Variants in ADAMTS3 observed in about 807,000 individuals in gnomAD.
The protein encoded by ADAMTS3 is A disintegrin and metalloproteinase with thrombospondin motifs 3.
Under a neutral mutation model 129.0 loss-of-function variants are expected in ADAMTS3, and 73 were observed. The observed-to-expected ratio is 0.57, with a 90% CI of 0.47 to 0.69. The LOEUF (loss-of-function observed/expected upper bound fraction) is 0.69, where lower values mean the gene tolerates loss of function less well. Ranked by LOEUF, ADAMTS3 falls within the 30% of genes least tolerant of loss-of-function variation. The pLI is 0.00. For missense variants in ADAMTS3, 1,457 were observed against 1,514.5 expected (o/e 0.96, Z 0.63); for synonymous variants, 477 against 510.8 (o/e 0.93, Z 0.89).
intron 5 of ADAMTS3, among the ~76,000 whole-genome samples, chr4:72,336,771 T>C (rs1264400078): frequency 1.3e-5 from 2 of 152,126 alleles, no homozygotes; most frequent in African/African-American, 4.8e-5. Flanking sequence ...CTATGCTGTG[T>C]AGGGCTGTCT....
intron 3 of ADAMTS3, among the ~76,000 whole-genome samples, chr4:72,451,688 ATATCTC>A (rs1289985351): frequency 6.6e-6 from 1 of 151,856 alleles, no homozygotes. Context: ...AAAACCCAAT[ATATCTC>A]TGACAAGATT....
At chr4:72,508,183 T>G (rs1720213846) in intron 3 of ADAMTS3, among the ~76,000 whole-genome samples, 1 of 152,116 alleles carries the variant, frequency 6.6e-6, no homozygotes, top group African/African-American at 2.4e-5. Flanking sequence ...AAACACACAT[T>G]TCCACTGACC....
At chr4:72,447,028 A>G (rs1412058479) in intron 3 of ADAMTS3, among the ~76,000 whole-genome samples, 1 of 151,688 alleles carries the variant, frequency 6.6e-6, no homozygotes, top group Non-Finnish European at 1.5e-5. Context: ...TAAATACAAT[A>G]AAGATAATTC....
At chr4:72,343,198 G>A (rs892131049) in intron 4 of ADAMTS3, among the ~76,000 whole-genome samples, 1 of 152,082 alleles carries the variant, frequency 6.6e-6, no homozygotes, top group Non-Finnish European at 1.5e-5. Flanking sequence ...CTTTCCACCT[G>A]GCCAGTGCCA....
intron 1 of ADAMTS3, among the ~76,000 whole-genome samples, chr4:72,568,445 C>T (rs1489577759): frequency 1.3e-5 from 2 of 152,126 alleles, no homozygotes; most frequent in Non-Finnish European, 1.5e-5. Flanking sequence ...ATGTCGCAGA[C>T]TGGTGAAGCC....
intron 4 of ADAMTS3, among the ~76,000 whole-genome samples, chr4:72,362,400 T>G (rs1007383479): frequency 7.9e-5 from 12 of 152,286 alleles, no homozygotes; most frequent in Admixed American, 7.9e-4. Flanking sequence ...GTTTTCTCTG[T>G]TCAAACAAAG....
intron 12 of ADAMTS3, 56 bp from the exon 13 acceptor site, chr4:72,312,522 C>T (rs1719270144): frequency 6.4e-7 from 1 of 1,570,362 alleles, no homozygotes; most frequent in Non-Finnish European, 8.7e-7. Flanking sequence ...GCAGTTGAAG[C>T]TTGCAGACAC....
chr4:72,347,568 C>A (rs1301585235), intron 4 of ADAMTS3, among the ~76,000 whole-genome samples: 1 of 151,888 alleles, frequency 6.6e-6, no homozygotes, highest in Non-Finnish European at 1.5e-5. Flanking sequence ...TTCTTAATTT[C>A]TTTTATTCTT....
intron 4 of ADAMTS3, among the ~76,000 whole-genome samples, chr4:72,367,875 A>C (rs1337913790): frequency 4.0e-5 from 6 of 151,152 alleles, no homozygotes; most frequent in Non-Finnish European, 5.9e-5. Flanking sequence ...AAAGACAACT[A>C]GTTGGGAGTC....
At chr4:72,485,806 G>A (rs761935096) in intron 3 of ADAMTS3, among the ~76,000 whole-genome samples, 2 of 152,128 alleles carry the variant, frequency 1.3e-5, no homozygotes, top group Non-Finnish European at 2.9e-5. Context: ...GCCTTTGGGA[G>A]GTAATAAGGT....
At chr4:72,345,572 A>G (rs1720258655) in intron 4 of ADAMTS3, among the ~76,000 whole-genome samples, 1 of 152,140 alleles carries the variant, frequency 6.6e-6, no homozygotes. Context: ...GATAGTTCAA[A>G]GAACTATATT....
At chr4:72,461,187 T>C (rs1031155583) in intron 3 of ADAMTS3, among the ~76,000 whole-genome samples, 10 of 151,450 alleles carry the variant, frequency 6.6e-5, no homozygotes, top group Admixed American at 3.3e-4. Context: ...TAAAACAAAA[T>C]AGATACATCT....
intron 5 of ADAMTS3, among the ~76,000 whole-genome samples, chr4:72,336,287 C>A (rs1409447954): frequency 6.6e-6 from 1 of 152,182 alleles, no homozygotes; most frequent in Non-Finnish European, 1.5e-5. Context: ...AGGACCCTAT[C>A]TGACATTTCA....
chr4:72,563,833 G>T (rs1364787553), intron 2 of ADAMTS3, among the ~76,000 whole-genome samples: 1 of 152,060 alleles, frequency 6.6e-6, no homozygotes, highest in Non-Finnish European at 1.5e-5. Flanking sequence ...ACCAATATTT[G>T]AGGACCCACA....
In ADAMTS3 at chr4:72,353,363, T is replaced by C. The variant is rs912729291; in HGVS notation, c.662-13670A>G. Among the ~76,000 whole-genome samples, 3 of 151,994 alleles carry C rather than the reference T, an allele frequency of 2.0e-5. No homozygotes were observed. In the South Asian group the frequency reaches 6.2e-4, roughly 32 times the overall value. On this transcript the variant is annotated intron_variant, in intron 4 of 21. Coordinates refer to ENST00000286657, the MANE Select transcript of ADAMTS3 (RefSeq NM_014243.3). ...TGGTTAAACCAACTGGATGAACTCATATGAGATTTGGAACTCAGAATGGCA... is the reference window on the plus strand; with the variant it reads ...TGGTTAAACCAACTGGATGAACTCACATGAGATTTGGAACTCAGAATGGCA...
Position 72,462,132 on chromosome 4 carries a change from TA to T in ADAMTS3, c.505-47162del, listed in dbSNP as rs371856273. Reference sequence around the variant, plus strand: ...ATAGTTCAGGTCATAATAATTGCTATAAAAAATAAAGCAAGTGCACACTTAA... The same window carrying T: ...ATAGTTCAGGTCATAATAATTGCTATAAAAATAAAGCAAGTGCACACTTAA... On this transcript the variant is annotated intron_variant, in intron 3 of 21. Transcript: ENST00000286657. Among the ~76,000 whole-genome samples, 809 of 151,954 alleles carry T rather than the reference TA, an allele frequency of 5.3e-3. 5 individuals are homozygous for T. The highest frequency in any genetic ancestry group is 0.019 in the African/African-American group (782 of 41,512).
At chr4:72,377,569 T>C (rs1288488508) in intron 4 of ADAMTS3, among the ~76,000 whole-genome samples, 1 of 152,174 alleles carries the variant, frequency 6.6e-6, no homozygotes. Flanking sequence ...GGTCTATATG[T>C]GTCTCTCTGT....
At chr4:72,479,394 T>G (rs575660210) in intron 3 of ADAMTS3, among the ~76,000 whole-genome samples, 35 of 152,200 alleles carry the variant, frequency 2.3e-4, no homozygotes, top group African/African-American at 7.5e-4. Context: ...ATGCCACATA[T>G]CTACAACTAT....
At chr4:72,390,970 G>A (rs1721577925) in intron 4 of ADAMTS3, among the ~76,000 whole-genome samples, 1 of 150,616 alleles carries the variant, frequency 6.6e-6, no homozygotes, top group Non-Finnish European at 1.5e-5. Context: ...ATGATTATGA[G>A]CTTACTATGA....
Sources: gnomAD v4.1 joint callset for allele counts (sites outside exome capture counted in the v4.1 genomes callset) on GRCh38, gnomAD v4.1.1 for gene constraint, MANE v1.5 for transcripts, NCBI Gene and HGNC (gene_info 2026-07-23, HGNC 2026-07-21) for gene names.